Variants in STPG1 observed in about 807,000 individuals in gnomAD.
The protein encoded by STPG1 is sperm tail PG-rich repeat containing 1.
A neutral mutation model predicts 40.1 loss-of-function variants in STPG1; 33 were observed. The observed-to-expected ratio is 0.82, with a 90% CI of 0.62 to 1.10. STPG1 has a LOEUF of 1.10. STPG1 is among the 50% of genes least tolerant of loss of function. STPG1 has a pLI of 0.00. For missense variants in STPG1, 396 were observed against 415.1 expected (o/e 0.95, Z 0.40); for synonymous variants, 150 against 155.0 (o/e 0.97, Z 0.24).
In STPG1 at chr1:24,399,713, A is replaced by G. The variant is rs1643143945; in HGVS notation, c.70+1606T>C. Among the ~76,000 whole-genome samples, 1 of 152,168 alleles carries G rather than the reference A, an allele frequency of 6.6e-6. No individual in the cohort carries two copies. The highest frequency in any genetic ancestry group is 1.5e-5 in the Non-Finnish European group (1 of 68,022). ...AGAATGGTTTAAAGAACTCCTATAA[A>G]TAAAAAAAAGAAAAGACAAGACAAG... On this transcript the variant is annotated intron_variant, in intron 2 of 8. Transcript: ENST00000337248. The surrounding 1 kb of genome is among the most constrained non-coding windows in gnomAD (Gnocchi z 4.0).
chr1:24,365,019 G>T (rs1641364915), intron 7 of STPG1, among the ~76,000 whole-genome samples: 1 of 152,200 alleles, frequency 6.6e-6, no homozygotes, highest in Non-Finnish European at 1.5e-5. Context: ...GGTTGGGAGG[G>T]ATAAAGGGGC....
intron 8 of STPG1, among the ~76,000 whole-genome samples, chr1:24,360,057 G>A (rs1035935736): frequency 3.3e-5 from 5 of 152,292 alleles, no homozygotes; most frequent in South Asian, 2.1e-4. Flanking sequence ...CCACGAACTC[G>A]CTGCGGACCT....
rs139226900 is a variant in STPG1 at position 24,396,623 on chromosome 1, A to T, written c.70+4696T>A. 1.4e-3 allele frequency among the ~76,000 whole-genome samples: 207 copies of T among 152,354 alleles called. 1 individual carries two copies. The highest frequency in any genetic ancestry group is 4.7e-3 in the African/African-American group (194 of 41,578). On this transcript the variant is annotated intron_variant, in intron 2 of 8. Transcript: ENST00000337248. ...TAAAACTTTATTAATAGAAATAGGCAGTGGGTCAGATTTGGTCCAAGGAGC... is the reference window on the plus strand; with the variant it reads ...TAAAACTTTATTAATAGAAATAGGCTGTGGGTCAGATTTGGTCCAAGGAGC...
intron 7 of STPG1, among the ~76,000 whole-genome samples, chr1:24,366,542 G>C (rs575402487): frequency 7.2e-5 from 11 of 152,146 alleles, no homozygotes; most frequent in Non-Finnish European, 1.3e-4. Flanking sequence ...AAGCCTACCA[G>C]TCTTATCTTC....
intron 1 of STPG1, among the ~76,000 whole-genome samples, chr1:24,406,327 A>G (rs1218331726): frequency 6.6e-6 from 1 of 152,018 alleles, no homozygotes; most frequent in Non-Finnish European, 1.5e-5. Context: ...TCCATTTCCT[A>G]CCTTCCATCC....
chr1:24,400,902 C>A (rs944519208), intron 2 of STPG1, among the ~76,000 whole-genome samples: 3 of 152,130 alleles, frequency 2.0e-5, no homozygotes, highest in African/African-American at 4.8e-5. Context: ...GAAACAATCA[C>A]GAGGGAGATA....
chr1:24,363,448 G>A (rs1441870635), intron 7 of STPG1, among the ~76,000 whole-genome samples: 2 of 152,176 alleles, frequency 1.3e-5, no homozygotes, highest in Non-Finnish European at 2.9e-5. Context: ...GCCATGACTG[G>A]TGACAACTTC....
Position 24,386,048 on chromosome 1 carries a change from G to C in STPG1, c.190-2045C>G, listed in dbSNP as rs76021973. On this transcript the variant is annotated intron_variant, in intron 3 of 8. Coordinates refer to ENST00000337248, the MANE Select transcript of STPG1 (RefSeq NM_001199013.2). Reference sequence around the variant, plus strand: ...ATTTTCTGAGCACTCATATGTGTCTGAGGAGCTAGGGGTTCCAGACAAAAT... The same window carrying C: ...ATTTTCTGAGCACTCATATGTGTCTCAGGAGCTAGGGGTTCCAGACAAAAT... Among the ~76,000 whole-genome samples the C allele has an allele frequency of 7.8e-4, 119 of 152,364 alleles. 1 individual carries two copies. In the East Asian group the frequency reaches 0.022, roughly 28 times the overall value.
intron 2 of STPG1, among the ~76,000 whole-genome samples, chr1:24,398,474 T>A (rs968161212): frequency 2.0e-5 from 3 of 152,104 alleles, no homozygotes; most frequent in African/African-American, 7.2e-5. Flanking sequence ...AACGTTGTAC[T>A]GAAGGTCTCT....
chr1:24,387,710 G>T (rs1642575239), intron 3 of STPG1, among the ~76,000 whole-genome samples: 1 of 152,156 alleles, frequency 6.6e-6, no homozygotes, highest in African/African-American at 2.4e-5. Flanking sequence ...GGGGTACCTG[G>T]CATGTCATGA....
intron 7 of STPG1, among the ~76,000 whole-genome samples, chr1:24,368,302 A>ACT (rs1641567860): frequency 6.6e-6 from 1 of 152,188 alleles, no homozygotes; most frequent in African/African-American, 2.4e-5. Context: ...TGATGATCAG[A>ACT]CTATGCCCAA....
intron 5 of STPG1, among the ~76,000 whole-genome samples, chr1:24,378,240 TG>T (rs1439586390): frequency 6.6e-6 from 1 of 152,238 alleles, no homozygotes; most frequent in Non-Finnish European, 1.5e-5. Context: ...ACTTTTATAT[TG>T]ATTAGTGTTG....
intron 7 of STPG1, among the ~76,000 whole-genome samples, chr1:24,367,004 G>A (rs536315339): frequency 4.6e-5 from 7 of 152,210 alleles, no homozygotes; most frequent in Non-Finnish European, 8.8e-5. Flanking sequence ...CCTTTTATTT[G>A]TGAAGCATTG....
At chr1:24,408,249 T>C (rs1406820960) in intron 1 of STPG1, among the ~76,000 whole-genome samples, 1 of 152,232 alleles carries the variant, frequency 6.6e-6, no homozygotes, top group Non-Finnish European at 1.5e-5. Context: ...TCTACCCAAT[T>C]CCTATCTAAT....
rs1640865624 is a variant in STPG1, at chr1:24,358,422, G to A, written c.*121C>T. 5.9e-6 allele frequency: 5 copies of A among 853,710 alleles called. No individual in the cohort carries two copies. Among genetic ancestry groups the A allele is most frequent in the South Asian group, 5.4e-5 (4 of 74,490 alleles). 52.9% of individuals were successfully genotyped at this position (853,710 alleles called of 1,614,324 possible). A position where few individuals can be genotyped will look rare whatever the true frequency, so the allele number is the denominator to read the frequency against. The stretch of plus-strand genomic sequence containing the variant: ...GCTAGGATGCCAGGCCAGAGTGGTA[G>A]AGCCACCCCCCAAGTTGTCAGCTGC... On this transcript the variant is annotated 3_prime_UTR_variant, in exon 9 of 9. Transcript: ENST00000337248.
At chr1:24,401,293 T>C (rs924464511) in intron 2 of STPG1, 26 bp downstream of exon 2, 15 of 1,609,346 alleles carry the variant, frequency 9.3e-6, no homozygotes, top group Non-Finnish European at 1.2e-5. Flanking sequence ...TCAGGAGCTA[T>C]CTCCTCCCTG....
chr1:24,379,829 A>T lies in STPG1; in HGVS notation c.292-6T>A. On this transcript the variant is annotated splice_region_variant and splice_polypyrimidine_tract_variant and intron_variant, in intron 4 of 8. Transcript: ENST00000337248. ...ATGGTGTCCAATCGGGCGCACTGTA[A>T]GGAGACAACCAAAGGAATCAGCATT... 6.2e-7 allele frequency: 1 copy of T among 1,613,076 alleles called. No homozygotes were observed. Among genetic ancestry groups the T allele is most frequent in the Non-Finnish European group, 8.5e-7 (1 of 1,179,108 alleles).
rs746979234 is a variant in STPG1, at chr1:24,379,660, T to C, written c.455A>G (p.Tyr152Cys). ...CATAGGCAGAGTTCTTACATTGTAA[T>C]AGTTTGGTGCAGGAGTTTCAAACTT... ...ALKFETPAPNYYNASVSCCKQ... is the reference protein window; with the variant it reads ...ALKFETPAPNCYNASVSCCKQ... The change falls in exon 5 of 9, where the codon TAT becomes TGT. Residue 152 changes from tyrosine (Y) to cysteine (C), a missense_variant. Tyr to Cys is a radical substitution (Grantham distance 194). Transcript: ENST00000337248. 1.2e-6 allele frequency: 2 copies of C among 1,614,160 alleles called. No individual in the cohort carries two copies. The highest frequency in any genetic ancestry group is 2.2e-5 in the South Asian group (2 of 91,092).
chr1:24,372,280 AAAG>A (rs770418559), intron 6 of STPG1, among the ~76,000 whole-genome samples: 4 of 152,220 alleles, frequency 2.6e-5, no homozygotes, highest in Non-Finnish European at 4.4e-5. Flanking sequence ...AGTGGGGATA[AAAG>A]AAGAAGAAGA....
Sources: allele counts gnomAD v4.1 joint callset (sites outside exome capture counted in the v4.1 genomes callset), GRCh38; gene constraint gnomAD v4.1.1; non-coding constraint Gnocchi (gnomAD v3.1); transcripts MANE v1.5; gene names NCBI Gene and HGNC (gene_info 2026-07-23, HGNC 2026-07-21).